Variants in CDHR3 observed in about 807,000 individuals in gnomAD.
CDHR3 encodes cadherin-related family member 3.
Under a neutral mutation model 86.6 loss-of-function variants are expected in CDHR3, and 79 were observed. The ratio of observed to expected loss-of-function variants is 0.91; its 90% CI spans 0.76 to 1.10. The LOEUF is 1.10. Ranked by LOEUF, CDHR3 falls within the 50% of genes least tolerant of loss-of-function variation. The probability of loss-of-function intolerance (pLI) is 0.00; values close to 1 mark genes in which losing one functional copy is unlikely to be tolerated. For missense variants in CDHR3, 1,081 were observed against 1,077.6 expected, an observed-to-expected ratio of 1.00 and a Z score of -0.04; for synonymous variants, 421 against 402.4, an observed-to-expected ratio of 1.05 and a Z score of -0.55.
chr7:105,982,541 C>T (rs561956224), intron 3 of CDHR3, among the ~76,000 whole-genome samples: 2 of 151,586 alleles, frequency 1.3e-5, no homozygotes, highest in South Asian at 4.2e-4. Context: ...TACCCTCCTA[C>T]CCCTCCTCCT....
At chr7:106,013,952 TA>T (rs767661968) in intron 9 of CDHR3, among the ~76,000 whole-genome samples, 12 of 152,088 alleles carry the variant, frequency 7.9e-5, no homozygotes, top group Non-Finnish European at 1.5e-4. Context: ...TATGCATAGG[TA>T]TTTTTTATTT....
chr7:106,005,303 T>C (rs577371713), intron 8 of CDHR3, among the ~76,000 whole-genome samples: 25 of 152,370 alleles, frequency 1.6e-4, no homozygotes, highest in African/African-American at 6.0e-4. Context: ...CTACAATCTA[T>C]TTGCTATTAT....
At chr7:106,003,989 C>CAAAAAAAAAAAAAAAAAAA (rs55815648) in intron 7 of CDHR3, among the ~76,000 whole-genome samples, 12 of 79,942 alleles carry the variant, frequency 1.5e-4, no homozygotes, top group Non-Finnish European at 2.1e-4. Context: ...CCAACCTAAC[C>CAAAAAAAAAAAAAAAAAAA]AAAAAAAAAA....
intron 1 of CDHR3, among the ~76,000 whole-genome samples, chr7:105,972,553 T>C (rs1738591844): frequency 1.3e-5 from 2 of 152,172 alleles, no homozygotes; most frequent in African/African-American, 4.8e-5. Flanking sequence ...CAGAGAGGTA[T>C]GCATTTGCGA....
chr7:106,016,138 T>C, intron 11 of CDHR3, 113 bp downstream of exon 11: 1 of 652,940 alleles, frequency 1.5e-6, no homozygotes, highest in Non-Finnish European at 2.7e-6. Context: ...TTTTGCACAG[T>C]GATTCACAGC....
chr7:106,015,279 G>A (rs1263766346), intron 10 of CDHR3, 66 bp downstream of exon 10: 36 of 1,349,716 alleles, frequency 2.7e-5, no homozygotes, highest in Non-Finnish European at 3.6e-5. Flanking sequence ...ACTCTGCTGG[G>A]CAATACTAGG....
chr7:106,013,251 G>A (rs1415658812), intron 9 of CDHR3, among the ~76,000 whole-genome samples: 1 of 152,204 alleles, frequency 6.6e-6, no homozygotes, highest in Non-Finnish European at 1.5e-5. Context: ...GGCTGCTGAG[G>A]ACTGGATTCT....
intron 1 of CDHR3, among the ~76,000 whole-genome samples, chr7:105,967,820 A>T (rs1450789009): frequency 2.0e-5 from 3 of 151,936 alleles, no homozygotes; most frequent in Non-Finnish European, 2.9e-5. Flanking sequence ...TTTTCTTGTA[A>T]ATTTGTTTTA....
intron 1 of CDHR3, among the ~76,000 whole-genome samples, chr7:105,968,859 C>G (rs964132374): frequency 3.3e-5 from 5 of 151,822 alleles, no homozygotes; most frequent in African/African-American, 1.2e-4. Flanking sequence ...GAGGCTGAGA[C>G]GGGCAGATCA....
chr7:106,010,105 G>A (rs1834567297), intron 8 of CDHR3, among the ~76,000 whole-genome samples: 1 of 152,152 alleles, frequency 6.6e-6, no homozygotes, highest in African/African-American at 2.4e-5. Context: ...GTCTGGCTTC[G>A]GGACCTTGGA....
intron 2 of CDHR3, among the ~76,000 whole-genome samples, chr7:105,978,846 A>T (rs1829213216): frequency 6.6e-6 from 1 of 152,070 alleles, no homozygotes; most frequent in South Asian, 2.1e-4. Flanking sequence ...GCTACTCCCC[A>T]AGGAGAAGAG....
chr7:106,030,910 T>C lies in CDHR3; in HGVS notation c.2353+70T>C. ...AGACTGGTAGAAGCATGGAGGATCT[T>C]ATCCAATTTCCTGCTTTTAGCTCAT... On this transcript the variant is annotated intron_variant, in intron 18 of 18. Coordinates refer to ENST00000317716, the MANE Select transcript of CDHR3 (RefSeq NM_152750.5). This position sits in a 1 kb window ranked among gnomAD's most constrained non-coding sequence, Gnocchi z 4.8. 7.0e-7 allele frequency: 1 copy of C among 1,436,484 alleles called. No homozygotes were observed. Among genetic ancestry groups the C allele is most frequent in the Non-Finnish European group, 9.6e-7 (1 of 1,037,526 alleles). The allele number at this position is 1,436,484 out of a possible 1,614,324, so 89.0% of individuals were successfully genotyped here.
intron 2 of CDHR3, among the ~76,000 whole-genome samples, chr7:105,977,841 G>A (rs553610273): frequency 6.6e-6 from 1 of 152,320 alleles, no homozygotes; most frequent in South Asian, 2.1e-4. Context: ...AAGCCTCCCT[G>A]CTTTGGGACA....
At position 106,034,090 on chromosome 7, in the gene CDHR3, G is replaced by T. The variant is rs988417954; in HGVS notation, c.*1393G>T. ...TGCTCCTTCCCACTTCCTATGATTG[G>T]AAGGAACTGCAGGACTCTGAGTGGG... On this transcript the variant is annotated 3_prime_UTR_variant, in exon 19 of 19. Transcript: ENST00000317716. Among the ~76,000 whole-genome samples, 20 of 152,312 alleles carry T rather than the reference G, an allele frequency of 1.3e-4. No individual in the cohort carries two copies. The highest frequency in any genetic ancestry group is 2.6e-4 in the Non-Finnish European group (18 of 68,036).
At position 106,001,532 on chromosome 7, in the gene CDHR3, G is replaced by A. The variant is rs1282882461; in HGVS notation, c.784G>A (p.Asp262Asn). 1.9e-6 allele frequency: 3 copies of A among 1,613,868 alleles called. No individual in the cohort carries two copies. Among genetic ancestry groups the A allele is most frequent in the Non-Finnish European group, 2.5e-6 (3 of 1,179,884 alleles). Residue 262 changes from aspartate (D) to asparagine (N), a missense_variant, in exon 7 of 19, where the codon GAT becomes AAT. Coordinates refer to ENST00000317716, the MANE Select transcript of CDHR3 (RefSeq NM_152750.5). The part of the protein sequence containing the change: ...GTIVANITAE[D>N]PDDEGFPSHL... ...CATCGTGGCCAATATCACAGCGGAG[G>A]ATCCTGATGATGAAGGTTTTCCCAG...
intron 4 of CDHR3, 44 bp downstream of exon 4, chr7:105,984,333 GT>G: frequency 6.7e-7 from 1 of 1,491,692 alleles, no homozygotes; most frequent in Non-Finnish European, 9.2e-7. Context: ...TCCGTGTTGG[GT>G]TAGACACAGG....
At chr7:106,031,340 C>T (rs1261701776) in intron 18 of CDHR3, among the ~76,000 whole-genome samples, 1 of 152,194 alleles carries the variant, frequency 6.6e-6, no homozygotes, top group Non-Finnish European at 1.5e-5. Context: ...GCAAGATGAA[C>T]ATAAGGTAGA....
chr7:105,991,803 C>G (rs981776115), intron 4 of CDHR3, among the ~76,000 whole-genome samples: 1 of 152,220 alleles, frequency 6.6e-6, no homozygotes, highest in African/African-American at 2.4e-5. Flanking sequence ...AGCCCTTTCC[C>G]TCATGGATCC....
chr7:106,013,966 A>G (rs1432344212), intron 9 of CDHR3, among the ~76,000 whole-genome samples: 1 of 151,652 alleles, frequency 6.6e-6, no homozygotes, highest in Non-Finnish European at 1.5e-5. Context: ...TTTTATTTTT[A>G]TTATTTTTTT....
Sources: gnomAD v4.1 joint callset for allele counts (sites outside exome capture counted in the v4.1 genomes callset) on GRCh38, gnomAD v4.1.1 for gene constraint, Gnocchi (gnomAD v3.1) non-coding constraint, MANE v1.5 for transcripts, NCBI Gene and HGNC (gene_info 2026-07-23, HGNC 2026-07-21) for gene names.